Variants in EIF4E3 observed in about 807,000 individuals in gnomAD.
The protein encoded by EIF4E3 is eukaryotic translation initiation factor 4E family member 3, also known as eukaryotic translation initiation factor 4E type 3.
EIF4E3 carries 26 observed loss-of-function variants against 31.7 expected under a neutral mutation model. The ratio of observed to expected loss-of-function variants is 0.82; its 90% CI spans 0.60 to 1.14. The LOEUF is 1.14. Ranked by LOEUF, EIF4E3 falls within the 50% of genes most tolerant of loss-of-function variation. EIF4E3 has a pLI of 0.00. For synonymous variants in EIF4E3, 128 were observed against 107.7 expected (o/e 1.19, Z -1.17); for missense variants, 304 against 270.9 (o/e 1.12, Z -0.86).
chr3:71,725,224 C>T lies in EIF4E3; in HGVS notation c.144G>A (p.Pro48=). 3 of 1,135,724 alleles carry T rather than the reference C, an allele frequency of 2.6e-6. No homozygotes were observed. Among genetic ancestry groups the T allele is most frequent in the Non-Finnish European group, 3.3e-6 (3 of 920,308 alleles). 70.4% of individuals were successfully genotyped at this position (1,135,724 alleles called of 1,614,324 possible). Residue 48 remains proline, a synonymous_variant, in exon 1 of 7, where the codon CCG becomes CCA. Coordinates refer to ENST00000425534, the MANE Select transcript of EIF4E3 (RefSeq NM_001134651.2). This position sits in a 1 kb window ranked among gnomAD's most constrained non-coding sequence, Gnocchi z 6.1. ...GCCAGAAGGTCCAGGACGAGTGCAGCGGGACCCCGCCCGGCTCAGGCTGCA... is the reference window on the plus strand; with the variant it reads ...GCCAGAAGGTCCAGGACGAGTGCAGTGGGACCCCGCCCGGCTCAGGCTGCA... ...SALQPEPGGV[P]LHSSWTFWLD... is the part of the protein sequence containing the mutation.
chr3:71,751,159 G>T (rs1005852480), intron 1 of EIF4E3, among the ~76,000 whole-genome samples: 2 of 152,104 alleles, frequency 1.3e-5, no homozygotes, highest in Non-Finnish European at 2.9e-5. Flanking sequence ...CCTGAGCCTG[G>T]GAGGTTGAGG....
chr3:71,716,222 T>C (rs1423374434), intron 1 of EIF4E3, among the ~76,000 whole-genome samples: 1 of 151,734 alleles, frequency 6.6e-6, no homozygotes, highest in East Asian at 1.9e-4. Flanking sequence ...AGTGAAGTGC[T>C]TGAAAGCATT....
At chr3:71,721,323 G>A (rs887837917) in intron 1 of EIF4E3, among the ~76,000 whole-genome samples, 1 of 152,234 alleles carries the variant, frequency 6.6e-6, no homozygotes, top group African/African-American at 2.4e-5. Context: ...CTGCCCTCAT[G>A]AGGTTTACAT....
intron 1 of EIF4E3, among the ~76,000 whole-genome samples, chr3:71,734,537 G>T (rs1016643206): frequency 6.6e-6 from 1 of 152,004 alleles, no homozygotes; most frequent in Non-Finnish European, 1.5e-5. Context: ...TTCATAGTTT[G>T]CAAAAGCACA....
chr3:71,691,510 G>A (rs1016855787), intron 5 of EIF4E3, among the ~76,000 whole-genome samples: 3 of 152,104 alleles, frequency 2.0e-5, no homozygotes, highest in Non-Finnish European at 4.4e-5. Flanking sequence ...CTCAAAACCA[G>A]GGAAAATTAG....
intron 1 of EIF4E3, among the ~76,000 whole-genome samples, chr3:71,715,640 C>G (rs978359187): frequency 1.3e-5 from 2 of 152,138 alleles, no homozygotes; most frequent in Non-Finnish European, 2.9e-5. Context: ...CGCCCTCCCA[C>G]GGTATACAGC....
upstream of EIF4E3, chr3:71,753,994 G>T: frequency 9.4e-7 from 1 of 1,067,030 alleles, no homozygotes; most frequent in South Asian, 4.3e-5. Context: ...CGGCCTGCGG[G>T]AGCGGCGAGG....
the EIF4E3 span, among the ~76,000 whole-genome samples, chr3:71,666,023 C>A: frequency 2.0e-5 from 3 of 152,108 alleles, no homozygotes; most frequent in Non-Finnish European, 1.5e-5. Context: ...GACACCCTAA[C>A]ATCACAAAAG....
chr3:71,677,532 T>C lies in EIF4E3; in HGVS notation c.*7150A>G, dbSNP rs1271405332. 1 of 151,984 alleles carries C rather than the reference T, an allele frequency of 6.6e-6. No individual in the cohort carries two copies. Among genetic ancestry groups the C allele is most frequent in the Non-Finnish European group, 1.5e-5 (1 of 67,934 alleles). 9.4% of individuals were successfully genotyped at this position (151,984 alleles called of 1,614,324 possible). A position where few individuals can be genotyped will look rare whatever the true frequency, so the allele number is the denominator to read the frequency against. On this transcript the variant is annotated 3_prime_UTR_variant, in exon 7 of 7. Transcript: ENST00000425534. ...AAGTGCATCAATAACGACTAGATGA[T>C]AAAGTACACACAGAATGCATGGTGG...
chr3:71,740,734 A>G (rs370754183), intron 1 of EIF4E3, among the ~76,000 whole-genome samples: 3 of 152,230 alleles, frequency 2.0e-5, no homozygotes, highest in East Asian at 1.9e-4. Flanking sequence ...CCCTGTCTCG[A>G]AAAACAACAA....
chr3:71,713,423 C>G (rs1282737043), intron 1 of EIF4E3, among the ~76,000 whole-genome samples: 1 of 152,100 alleles, frequency 6.6e-6, no homozygotes, highest in African/African-American at 2.4e-5. Context: ...ACCATTTTTG[C>G]TGAATCCCAA....
At chr3:71,750,286 C>A (rs1435198245) in intron 1 of EIF4E3, among the ~76,000 whole-genome samples, 1 of 152,110 alleles carries the variant, frequency 6.6e-6, no homozygotes, top group African/African-American at 2.4e-5. Flanking sequence ...TAAATGGACA[C>A]ATTTGAGATT....
At chr3:71,730,850 T>C (rs1279106241) in intron 1 of EIF4E3, among the ~76,000 whole-genome samples, 1 of 152,072 alleles carries the variant, frequency 6.6e-6, no homozygotes, top group Non-Finnish European at 1.5e-5. Flanking sequence ...CCATCTCAGC[T>C]TCCCCAGTAG....
intron 2 of EIF4E3, among the ~76,000 whole-genome samples, chr3:71,707,354 C>T (rs770797416): frequency 6.6e-6 from 1 of 152,220 alleles, no homozygotes; most frequent in African/African-American, 2.4e-5. Context: ...CCCTAGCCCA[C>T]ACCCTAGCCA....
intron 1 of EIF4E3, among the ~76,000 whole-genome samples, chr3:71,753,072 T>G (rs948823732): frequency 6.6e-6 from 1 of 152,088 alleles, no homozygotes; most frequent in African/African-American, 2.4e-5. Flanking sequence ...GGAGTCGCTG[T>G]GAGTCCAGCA....
chr3:71,670,661 A>C (rs2048842906), downstream of EIF4E3, among the ~76,000 whole-genome samples: 1 of 152,226 alleles, frequency 6.6e-6, no homozygotes, highest in South Asian at 2.1e-4. Context: ...ATTCTACTGT[A>C]GAATGGAATT....
rs537570756 is a variant in EIF4E3, at chr3:71,731,568, C to T, written c.-290-2945G>A. 2.6e-5 allele frequency among the ~76,000 whole-genome samples: 4 copies of T among 152,330 alleles called. No homozygotes were observed. The South Asian group carries it at 6.2e-4, about 24-fold the overall frequency. On this transcript the variant is annotated intron_variant, in intron 1 of 7. Coordinates refer to the EIF4E3 transcript ENST00000295612. ...TTGTCCACCTTTGTCCACCCAGTGCCTAGTGCAGGGCCTGTCCATGGCTGG... is the reference window on the plus strand; with the variant it reads ...TTGTCCACCTTTGTCCACCCAGTGCTTAGTGCAGGGCCTGTCCATGGCTGG...
downstream of EIF4E3, among the ~76,000 whole-genome samples, chr3:71,671,623 T>C (rs947570303): frequency 1.3e-5 from 2 of 152,056 alleles, no homozygotes; most frequent in Admixed American, 1.3e-4. Context: ...CTCCGCATAC[T>C]TAACCATCCC....
chr3:71,754,400 C>G (rs1398054069), upstream of EIF4E3: 1 of 1,346,532 alleles, frequency 7.4e-7, no homozygotes, highest in South Asian at 1.7e-5. This position sits in a 1 kb window ranked among gnomAD's most constrained non-coding sequence, Gnocchi z 5.8. Context: ...TGGGCGTGGG[C>G]GTCACCCGCT....
Sources: gnomAD v4.1 joint callset for allele counts (sites outside exome capture counted in the v4.1 genomes callset) on GRCh38, gnomAD v4.1.1 for gene constraint, Gnocchi (gnomAD v3.1) non-coding constraint, MANE v1.5 for transcripts, NCBI Gene and HGNC (gene_info 2026-07-23, HGNC 2026-07-21) for gene names.